The following MYRIP variants were observed in gnomAD, a reference collection of about 807,000 sequenced individuals.
MYRIP encodes the protein rab effector MyRIP.
A neutral mutation model predicts 98.0 loss-of-function variants in MYRIP; 49 were observed. The observed-to-expected ratio is 0.50, with a 90% CI of 0.40 to 0.63. The LOEUF is 0.63. Ranked by LOEUF, MYRIP falls within the 30% of genes least tolerant of loss-of-function variation. The pLI, the probability that MYRIP is intolerant of heterozygous loss-of-function variation, is 0.00. For synonymous variants in MYRIP, 404 were observed against 409.5 expected (o/e 0.99, Z 0.16); for missense variants, 1,004 against 1,058.2 (o/e 0.95, Z 0.71).
chr3:39,960,479 CA>C lies in MYRIP; in HGVS notation c.110+59554del, dbSNP rs149977993. ...GTTCTTTTTCCCTCTTTTCCCTAAT[CA>C]TGGGGGAAAATGTAGTTCATTAGCA... is the stretch of plus-strand genomic sequence containing the variant. On this transcript the variant is annotated intron_variant, in intron 2 of 16. Transcript: ENST00000302541. 7.4e-3 allele frequency among the ~76,000 whole-genome samples: 1,126 copies of C among 152,202 alleles called. 8 individuals carry two copies. The highest frequency in any genetic ancestry group is 8.2e-3 in the Non-Finnish European group (561 of 68,014).
intron 2 of MYRIP, among the ~76,000 whole-genome samples, chr3:39,972,564 G>A (rs1459658051): frequency 6.6e-6 from 1 of 152,036 alleles, no homozygotes; most frequent in Non-Finnish European, 1.5e-5. Context: ...AGTCTAAAAA[G>A]TATCAAACCC....
Position 40,250,470 on chromosome 3 carries a change from G to T in MYRIP, c.2399G>T (p.Arg800Met), listed in dbSNP as rs1414024359. The T allele has an allele frequency of 6.2e-7, 1 of 1,614,184 alleles. No homozygotes were observed. ...VQTIDTSRQQ[R>M]RKLPAPPVKA... ...ACCATAGATACATCAAGGCAGCAAA[G>T]GAGGAAACTGCCTGCTCCACCGGTG... Residue 800 changes from arginine (R) to methionine (M), a missense_variant, in exon 15 of 17, where the codon AGG becomes ATG. By Grantham distance (91) the Arg-to-Met change is moderately conservative. This residue lies in a region of MYRIP where 108 missense variants were observed against 111.1 expected (regional missense o/e 0.97). Coordinates refer to ENST00000302541, the MANE Select transcript of MYRIP (RefSeq NM_015460.4).
chr3:39,973,242 G>A (rs1204112332), intron 2 of MYRIP, among the ~76,000 whole-genome samples: 3 of 151,882 alleles, frequency 2.0e-5, no homozygotes. Context: ...AAAAGACAGG[G>A]GCTGTAATCC....
At chr3:39,995,442 G>T (rs1374830450) in intron 2 of MYRIP, among the ~76,000 whole-genome samples, 1 of 152,124 alleles carries the variant, frequency 6.6e-6, no homozygotes, top group Non-Finnish European at 1.5e-5. Flanking sequence ...TATCAGTGAT[G>T]GAAGATCAAA....
chr3:40,182,183 T>A, intron 8 of MYRIP, 37 bp from the exon 9 acceptor site: 1 of 1,570,846 alleles, frequency 6.4e-7, no homozygotes, highest in Non-Finnish European at 8.6e-7. Flanking sequence ...GCACTGTACC[T>A]TATGAGCTCA....
At chr3:40,085,715 G>A (rs927352829) in intron 3 of MYRIP, among the ~76,000 whole-genome samples, 3 of 152,166 alleles carry the variant, frequency 2.0e-5, no homozygotes, top group Non-Finnish European at 4.4e-5. Context: ...AATCGAAAAA[G>A]CTTATAGTGT....
At chr3:40,048,381 G>A (rs1947714972) in intron 3 of MYRIP, among the ~76,000 whole-genome samples, 1 of 152,180 alleles carries the variant, frequency 6.6e-6, no homozygotes, top group African/African-American at 2.4e-5. Context: ...GATACTGTGG[G>A]CTATGAATAA....
At chr3:40,196,249 C>T (rs1951390143) in intron 10 of MYRIP, among the ~76,000 whole-genome samples, 1 of 151,678 alleles carries the variant, frequency 6.6e-6, no homozygotes, top group South Asian at 2.1e-4. Context: ...CTGTTAATTT[C>T]TACTTTTATA....
intron 12 of MYRIP, among the ~76,000 whole-genome samples, chr3:40,236,941 A>T (rs1952842997): frequency 6.6e-6 from 1 of 152,172 alleles, no homozygotes; most frequent in Non-Finnish European, 1.5e-5. Context: ...GGCCTCCCAC[A>T]GGGCTGGGAT....
At chr3:40,182,521 C>T (rs1950908709) in intron 9 of MYRIP, 148 bp downstream of exon 9, 2 of 841,526 alleles carry the variant, frequency 2.4e-6, no homozygotes, top group African/African-American at 3.5e-5. Flanking sequence ...ATGAGGCCTC[C>T]AGCACAACAC....
chr3:40,199,343 G>A (rs1188463413), intron 10 of MYRIP, among the ~76,000 whole-genome samples: 1 of 152,124 alleles, frequency 6.6e-6, no homozygotes, highest in African/African-American at 2.4e-5. Flanking sequence ...GCTGATGAGG[G>A]GCCAAAATGC....
At chr3:40,084,952 GATAGATAATATATATCTATGTGTTACAT>G in intron 3 of MYRIP, among the ~76,000 whole-genome samples, 1 of 148,050 alleles carries the variant, frequency 6.8e-6, no homozygotes, top group Non-Finnish European at 1.5e-5. Context: ...GTTACATGTC[GATAGATAATATATATCTATGTGTTACAT>G]ATCGATAATA....
At chr3:39,929,943 T>C (rs573150971) in intron 2 of MYRIP, among the ~76,000 whole-genome samples, 1 of 152,158 alleles carries the variant, frequency 6.6e-6, no homozygotes, top group Non-Finnish European at 1.5e-5. Flanking sequence ...ATTTTCATTT[T>C]TTTGTTTACC....
At chr3:40,045,580 C>T (rs1947654063) in intron 3 of MYRIP, among the ~76,000 whole-genome samples, 1 of 152,192 alleles carries the variant, frequency 6.6e-6, no homozygotes, top group South Asian at 2.1e-4. Context: ...CCAAATTCAT[C>T]ATGTAACACG....
intron 2 of MYRIP, among the ~76,000 whole-genome samples, chr3:39,903,480 A>G (rs1943795216): frequency 6.6e-6 from 1 of 152,174 alleles, no homozygotes; most frequent in South Asian, 2.1e-4. Context: ...GAGCTTATCC[A>G]GTGTTTATAA....
chr3:39,876,907 A>C (rs1250955696), intron 1 of MYRIP, among the ~76,000 whole-genome samples: 1 of 152,148 alleles, frequency 6.6e-6, no homozygotes, highest in Non-Finnish European at 1.5e-5. Flanking sequence ...AGATTGGGGA[A>C]GTTCTCCTGG....
chr3:39,997,104 T>C (rs1946379615), intron 2 of MYRIP, among the ~76,000 whole-genome samples: 1 of 152,102 alleles, frequency 6.6e-6, no homozygotes. Context: ...ATGGACACCC[T>C]AACATCACAA....
intron 2 of MYRIP, among the ~76,000 whole-genome samples, chr3:39,984,402 G>A (rs1259038464): frequency 1.3e-5 from 2 of 151,208 alleles, no homozygotes; most frequent in Non-Finnish European, 2.9e-5. Context: ...ACAGTCCCCA[G>A]AGTGTGATGT....
At chr3:39,928,415 A>T (rs897561428) in intron 2 of MYRIP, among the ~76,000 whole-genome samples, 5 of 152,128 alleles carry the variant, frequency 3.3e-5, no homozygotes, top group African/African-American at 9.6e-5. Context: ...CCTCCTGCAT[A>T]TAGATGCAAA....
Sources: gnomAD v4.1 joint callset for allele counts (sites outside exome capture counted in the v4.1 genomes callset) on GRCh38, gnomAD v4.1.1 for gene constraint, gnomAD v4.1.1 regional missense constraint, MANE v1.5 for transcripts, NCBI Gene and HGNC (gene_info 2026-07-23, HGNC 2026-07-21) for gene names.